RAB11FIP2: variants seen among roughly 807,000 people sequenced by gnomAD.
The protein encoded by RAB11FIP2 is rab11 family-interacting protein 2.
Under a neutral mutation model 40.9 loss-of-function variants are expected in RAB11FIP2, and 16 were observed. The observed-to-expected ratio is 0.39, with a 90% CI of 0.26 to 0.59. RAB11FIP2 has a LOEUF of 0.59. Ranked by LOEUF, RAB11FIP2 falls within the 20% of genes least tolerant of loss-of-function variation. RAB11FIP2 has a pLI of 0.53. For synonymous variants in RAB11FIP2, 228 were observed against 213.7 expected, an observed-to-expected ratio of 1.07 and a Z score of -0.58; for missense variants, 532 against 606.2, an observed-to-expected ratio of 0.88 and a Z score of 1.28.
chr10:118,037,583 G>T (rs540156305), intron 3 of RAB11FIP2, among the ~76,000 whole-genome samples: 2 of 151,968 alleles, frequency 1.3e-5, no homozygotes, highest in South Asian at 2.1e-4. Context: ...GCCTGGCTTT[G>T]TATTATGTAC....
Position 118,046,290 on chromosome 10 carries a change from G to A in RAB11FIP2, c.-127C>T, listed in dbSNP as rs1846636109. On this transcript the variant is annotated 5_prime_UTR_variant, in exon 1 of 5. Transcript: ENST00000355624. ...GAAACAGGCAGGCTCAGGGCTCCCCGACTTCCCTATGGCTGATGTCAAAAC... is the reference window on the plus strand; with the variant it reads ...GAAACAGGCAGGCTCAGGGCTCCCCAACTTCCCTATGGCTGATGTCAAAAC... 1 of 839,062 alleles carries A rather than the reference G, an allele frequency of 1.2e-6. No individual in the cohort carries two copies. 52.0% of individuals were successfully genotyped at this position (839,062 alleles called of 1,614,324 possible). A position where few individuals can be genotyped will look rare whatever the true frequency, so the allele number is the denominator to read the frequency against.
intron 3 of RAB11FIP2, among the ~76,000 whole-genome samples, chr10:118,029,048 A>C (rs1846381003): frequency 1.3e-5 from 2 of 152,098 alleles, no homozygotes; most frequent in African/African-American, 4.8e-5. Flanking sequence ...GAAAAAATTC[A>C]AACCTTTCTA....
chr10:118,016,548 G>A (rs1344593235), intron 3 of RAB11FIP2, among the ~76,000 whole-genome samples: 1 of 152,052 alleles, frequency 6.6e-6, no homozygotes. Context: ...TCTGATTTTC[G>A]ATCCAAGGTA....
rs1243772345 is a variant in RAB11FIP2, at chr10:118,004,965, T to C, written c.*4033A>G. The C allele has an allele frequency of 6.6e-6, 1 of 152,652 alleles. No homozygotes were observed. Among genetic ancestry groups the C allele is most frequent in the East Asian group, 1.9e-4 (1 of 5,202 alleles). The allele number at this position is 152,652 out of a possible 1,614,324, so 9.5% of individuals were successfully genotyped here. On this transcript the variant is annotated 3_prime_UTR_variant, in exon 5 of 5. Coordinates refer to ENST00000355624, the MANE Select transcript of RAB11FIP2 (RefSeq NM_014904.3). ...TATAAGTCAATAATCATATATTATA[T>C]AAAAATTCTGATTCATGCATCAGAT...
Position 118,038,979 on chromosome 10 carries a change from A to T in RAB11FIP2, c.1258T>A (p.Ser420Thr). Residue 420 changes from serine (S) to threonine (T), a missense_variant, in exon 3 of 5, where the codon TCT becomes ACT. By Grantham distance (58) the Ser-to-Thr change is moderately conservative (BLOSUM62 1). Coordinates refer to ENST00000355624, the MANE Select transcript of RAB11FIP2 (RefSeq NM_014904.3). ...CCCCCATATTAAGCTTACCTTGAAG[A>T]TGGCATTATATTTGAAGCCCTGAAT... The part of the protein sequence containing the change: ...AKFRASNIMP[S>T]SSFHMSPTSN... 6.3e-7 allele frequency: 1 copy of T among 1,583,972 alleles called. No homozygotes were observed. Among genetic ancestry groups the T allele is most frequent in the South Asian group, 1.2e-5 (1 of 85,284 alleles).
At chr10:118,032,740 G>A (rs542824064) in intron 3 of RAB11FIP2, among the ~76,000 whole-genome samples, 27 of 152,114 alleles carry the variant, frequency 1.8e-4, no homozygotes, top group Non-Finnish European at 3.4e-4. Flanking sequence ...TTTAATTTGC[G>A]TGTCCTTCTG....
intron 3 of RAB11FIP2, among the ~76,000 whole-genome samples, chr10:118,021,632 C>T (rs1460108880): frequency 6.6e-6 from 1 of 152,226 alleles, no homozygotes; most frequent in Non-Finnish European, 1.5e-5. Flanking sequence ...ACTCCCACCA[C>T]CAATACTCAT....
At chr10:118,019,331 G>A (rs1018837683) in intron 3 of RAB11FIP2, among the ~76,000 whole-genome samples, 1 of 152,148 alleles carries the variant, frequency 6.6e-6, no homozygotes, top group Non-Finnish European at 1.5e-5. Context: ...GTGAAATCCA[G>A]GAGGTGTGCC....
intron 2 of RAB11FIP2, chr10:118,039,742 CTT>C: frequency 5.5e-6 from 2 of 365,546 alleles, no homozygotes; most frequent in Admixed American, 4.2e-5. Context: ...TTCTCAGAGA[CTT>C]TTTCATTAGC....
chr10:118,022,220 G>A (rs961244184), intron 3 of RAB11FIP2, among the ~76,000 whole-genome samples: 2 of 152,068 alleles, frequency 1.3e-5, no homozygotes, highest in Non-Finnish European at 2.9e-5. Flanking sequence ...AACTCTCATC[G>A]TTTCCTCCCT....
At chr10:118,018,880 G>T (rs10886193) in intron 3 of RAB11FIP2, among the ~76,000 whole-genome samples, 132,153 of 152,094 alleles carry the variant, frequency 0.87, 58,410 homozygotes, top group Middle Eastern at 0.97. Flanking sequence ...ACTACGGCAT[G>T]TGGCAGAGAT....
At chr10:118,042,836 C>A (rs1018000495) in intron 1 of RAB11FIP2, among the ~76,000 whole-genome samples, 12 of 151,394 alleles carry the variant, frequency 7.9e-5, no homozygotes, top group African/African-American at 2.9e-4. Context: ...CCCCACCCCC[C>A]AAAAAAAACT....
At chr10:118,018,110 G>A (rs1846243099) in intron 3 of RAB11FIP2, 1 of 152,084 alleles carries the variant, frequency 6.6e-6, no homozygotes, top group Non-Finnish European at 1.5e-5. Context: ...CTTGTACTGG[G>A]TATTGTCTGA....
chr10:118,039,660 G>A (rs2133182155), intron 2 of RAB11FIP2: 1 of 538,576 alleles, frequency 1.9e-6, no homozygotes, highest in South Asian at 2.5e-5. Flanking sequence ...CATTAGTAAT[G>A]TATTCAGCTC....
At chr10:118,043,790 A>T (rs1846592347) in intron 1 of RAB11FIP2, among the ~76,000 whole-genome samples, 1 of 152,214 alleles carries the variant, frequency 6.6e-6, no homozygotes, top group African/African-American at 2.4e-5. Context: ...AATGTGCAGA[A>T]TATTAAATAT....
chr10:118,019,408 C>T (rs1258988982), intron 3 of RAB11FIP2, among the ~76,000 whole-genome samples: 5 of 152,126 alleles, frequency 3.3e-5, no homozygotes, highest in Non-Finnish European at 7.3e-5. Context: ...TTCTCAAACG[C>T]CAGTCAACTC....
intron 3 of RAB11FIP2, among the ~76,000 whole-genome samples, chr10:118,028,392 A>G (rs927635435): frequency 6.6e-6 from 1 of 151,934 alleles, no homozygotes; most frequent in Non-Finnish European, 1.5e-5. Flanking sequence ...TCCTTAAAAT[A>G]TAAGTTCAAA....
At chr10:118,027,815 T>C (rs1846362945) in intron 3 of RAB11FIP2, among the ~76,000 whole-genome samples, 3 of 152,164 alleles carry the variant, frequency 2.0e-5, no homozygotes, top group African/African-American at 4.8e-5. Flanking sequence ...ACTTATCTAA[T>C]AATTTTCAAA....
intron 3 of RAB11FIP2, among the ~76,000 whole-genome samples, chr10:118,018,568 T>C (rs1846248431): frequency 6.6e-6 from 1 of 152,280 alleles, no homozygotes. Flanking sequence ...CTGAAGTTTT[T>C]ATGCAAAAGC....
Sources: allele counts gnomAD v4.1 joint callset (sites outside exome capture counted in the v4.1 genomes callset), GRCh38; gene constraint gnomAD v4.1.1; transcripts MANE v1.5; gene names NCBI Gene and HGNC (gene_info 2026-07-23, HGNC 2026-07-21).